The following SHCBP1L variants were observed in gnomAD, a reference collection of about 807,000 sequenced individuals.
SHCBP1L encodes the protein SHC binding and spindle associated 1 like, also known as testicular spindle-associated protein SHCBP1L.
SHCBP1L carries 67 observed loss-of-function variants against 62.5 expected under a neutral mutation model. The ratio of observed to expected loss-of-function variants is 1.07; its 90% CI spans 0.88 to 1.31. The LOEUF is 1.31. SHCBP1L is among the 40% of genes most tolerant of loss of function. The pLI, the probability that SHCBP1L is intolerant of heterozygous loss-of-function variation, is 0.00. For missense variants in SHCBP1L, 823 were observed against 809.8 expected, an observed-to-expected ratio of 1.02 and a Z score of -0.20; for synonymous variants, 284 against 289.4, an observed-to-expected ratio of 0.98 and a Z score of 0.19.
At chr1:182,900,617 G>C (rs905211304) in intron 9 of SHCBP1L, among the ~76,000 whole-genome samples, 6 of 152,168 alleles carry the variant, frequency 3.9e-5, no homozygotes, top group African/African-American at 1.4e-4. Context: ...ATTTTTAGTA[G>C]AGACGGGGTT....
intron 6 of SHCBP1L, among the ~76,000 whole-genome samples, chr1:182,928,827 A>T (rs1431443677): frequency 6.6e-6 from 1 of 152,194 alleles, no homozygotes; most frequent in African/African-American, 2.4e-5. Flanking sequence ...AGTTGGACAC[A>T]TAGGTTTGGG....
At chr1:182,933,637 C>T (rs1651079049) in intron 5 of SHCBP1L, among the ~76,000 whole-genome samples, 1 of 151,888 alleles carries the variant, frequency 6.6e-6, no homozygotes, top group Admixed American at 6.6e-5. Flanking sequence ...ATATATTATA[C>T]TGATTGATTT....
chr1:182,940,858 T>C (rs1651339929), intron 2 of SHCBP1L, among the ~76,000 whole-genome samples: 1 of 152,008 alleles, frequency 6.6e-6, no homozygotes, highest in Non-Finnish European at 1.5e-5. Context: ...CACACACACA[T>C]ATGGCAGGGT....
Position 182,927,848 on chromosome 1 carries a change from C to T in SHCBP1L, c.1182+1799G>A, listed in dbSNP as rs113035877. ...GGCCTCCAAAGTTCAGGTATAATTA[C>T]ACAAATGAAAACAGAATTGCAAAGC... On this transcript the variant is annotated intron_variant, in intron 6 of 9. Coordinates refer to ENST00000367547, the MANE Select transcript of SHCBP1L (RefSeq NM_030933.4). 4.5e-3 allele frequency among the ~76,000 whole-genome samples: 682 copies of T among 152,082 alleles called. 7 individuals are homozygous for T. The highest frequency in any genetic ancestry group is 0.016 in the African/African-American group (654 of 41,504).
intron 6 of SHCBP1L, among the ~76,000 whole-genome samples, chr1:182,915,181 AAAAAAAAAAAAAAAG>A (rs1650316894): frequency 7.6e-6 from 1 of 132,056 alleles, no homozygotes; most frequent in African/African-American, 3.2e-5. Flanking sequence ...AAAAAAAAAA[AAAAAAAAAAAAAAAG>A]AATCTCACTT....
chr1:182,940,665 A>G, intron 2 of SHCBP1L, 122 bp from the exon 3 acceptor site: 1 of 702,686 alleles, frequency 1.4e-6, no homozygotes, highest in Non-Finnish European at 2.3e-6. Context: ...CTTCTTCAAC[A>G]ATCAACATAC....
chr1:182,924,818 A>G (rs1213475648), intron 6 of SHCBP1L, among the ~76,000 whole-genome samples: 2 of 134,528 alleles, frequency 1.5e-5, no homozygotes, highest in East Asian at 2.4e-4. Flanking sequence ...GGAAGGAGGG[A>G]AGAGAGGGGT....
At chr1:182,901,313 T>C (rs1012648328) in intron 9 of SHCBP1L, among the ~76,000 whole-genome samples, 1 of 152,008 alleles carries the variant, frequency 6.6e-6, no homozygotes, top group African/African-American at 2.4e-5. Context: ...CAAAATTAGC[T>C]GGGCGTGGTG....
At chr1:182,923,601 TG>T (rs2101934956) in intron 6 of SHCBP1L, among the ~76,000 whole-genome samples, 1 of 152,284 alleles carries the variant, frequency 6.6e-6, no homozygotes, top group African/African-American at 2.4e-5. Flanking sequence ...AATCAATAAA[TG>T]TGATTCAGCA....
Position 182,952,616 on chromosome 1 carries a change from A to G in SHCBP1L, c.405+113T>C, listed in dbSNP as rs1009563650. On this transcript the variant is annotated intron_variant, in intron 1 of 9. Coordinates refer to ENST00000367547, the MANE Select transcript of SHCBP1L (RefSeq NM_030933.4). ...ACTCCATTTACTTTTTTGAAACGCA[A>G]GTTTTCGTTGTGCCCTGTGGATCCC... The G allele has an allele frequency of 7.7e-6, 10 of 1,298,526 alleles. No homozygotes were observed. The African/African-American group carries it at 9.3e-5, about 12-fold the overall frequency. 80.4% of individuals were successfully genotyped at this position (1,298,526 alleles called of 1,614,324 possible).
chr1:182,930,551 GTATATATATATATATATATATATATA>G (rs10536791), intron 5 of SHCBP1L, among the ~76,000 whole-genome samples: 35 of 49,466 alleles, frequency 7.1e-4, no homozygotes, highest in South Asian at 2.3e-3. Flanking sequence ...TAGTGTGTGT[GTATATATATATATATATATATATATA>G]TATATATATA....
chr1:182,921,731 C>G (rs1053832708), intron 6 of SHCBP1L, among the ~76,000 whole-genome samples: 1 of 152,124 alleles, frequency 6.6e-6, no homozygotes, highest in Non-Finnish European at 1.5e-5. Flanking sequence ...CATGGCAAAA[C>G]CCCATCTCTA....
intron 6 of SHCBP1L, among the ~76,000 whole-genome samples, chr1:182,924,823 A>G (rs1245573296): frequency 2.6e-5 from 3 of 116,342 alleles, no homozygotes; most frequent in Non-Finnish European, 3.5e-5. Flanking sequence ...GAGGGAAGAG[A>G]GGGGTGGGGG....
intron 5 of SHCBP1L, among the ~76,000 whole-genome samples, chr1:182,930,593 AT>A: frequency 8.4e-6 from 1 of 119,294 alleles, no homozygotes; most frequent in Non-Finnish European, 1.8e-5. Context: ...ATATATATAT[AT>A]ACACATATAT....
chr1:182,905,680 A>T, intron 6 of SHCBP1L, 31 bp from the exon 7 acceptor site: 3 of 1,598,610 alleles, frequency 1.9e-6, no homozygotes, highest in East Asian at 4.5e-5. Flanking sequence ...TGCGCTTTCA[A>T]TAATAGGTTA....
At chr1:182,904,491 G>C (rs1403185115) in intron 7 of SHCBP1L, 61 bp from the exon 8 acceptor site, 2 of 1,571,482 alleles carry the variant, frequency 1.3e-6, no homozygotes, top group East Asian at 2.2e-5. Flanking sequence ...GCCCTTTATT[G>C]TCATTCAACA....
chr1:182,931,917 T>C (rs1019767943), intron 5 of SHCBP1L, among the ~76,000 whole-genome samples: 9 of 146,546 alleles, frequency 6.1e-5, no homozygotes, highest in African/African-American at 2.3e-4. Context: ...ATGCTCTGCC[T>C]CTCCCTTAAT....
Position 182,899,915 on chromosome 1 carries a change from G to A in SHCBP1L, c.*68C>T. ...GCTTTGAATTGAAACTACCATTTCAGTGGGGTATGAGAATCATGTATTAAA... is the reference window on the plus strand; with the variant it reads ...GCTTTGAATTGAAACTACCATTTCAATGGGGTATGAGAATCATGTATTAAA... On this transcript the variant is annotated 3_prime_UTR_variant, in exon 10 of 10. Transcript: ENST00000367547. 2.3e-6 allele frequency: 3 copies of A among 1,291,930 alleles called. No homozygotes were observed. The highest frequency in any genetic ancestry group is 3.1e-6 in the Non-Finnish European group (3 of 962,482). 80.0% of individuals were successfully genotyped at this position (1,291,930 alleles called of 1,614,324 possible).
chr1:182,903,210 C>T (rs1187226688), intron 8 of SHCBP1L, 49 bp from the exon 9 acceptor site: 1 of 1,416,304 alleles, frequency 7.1e-7, no homozygotes. Context: ...ATACACAAAC[C>T]TCTCTCCAAA....
Sources: allele counts gnomAD v4.1 joint callset (sites outside exome capture counted in the v4.1 genomes callset), GRCh38; gene constraint gnomAD v4.1.1; transcripts MANE v1.5; gene names NCBI Gene and HGNC (gene_info 2026-07-23, HGNC 2026-07-21).